Variants in ANAPC2 observed in about 807,000 individuals in gnomAD.
ANAPC2 encodes the protein anaphase promoting complex subunit 2, also known as anaphase-promoting complex subunit 2.
Under a neutral mutation model 84.3 loss-of-function variants are expected in ANAPC2, and 29 were observed. That is an observed-to-expected ratio of 0.34 (90% CI 0.26 to 0.47). The LOEUF (loss-of-function observed/expected upper bound fraction) is 0.47. Ranked by LOEUF, ANAPC2 falls within the 20% of genes least tolerant of loss-of-function variation. The pLI is 1.00. For missense variants in ANAPC2, 857 were observed against 1,131.7 expected (o/e 0.76, Z 3.48); for synonymous variants, 571 against 479.4 (o/e 1.19, Z -2.50).
rs746257396 is a variant in ANAPC2, at chr9:137,188,496, C to G, written c.37G>C (p.Asp13His). Residue 13 changes from aspartate (D) to histidine (H), a missense_variant, in exon 1 of 13, where the codon GAC becomes CAC. Around this residue, in one of 3 missense-constraint regions of ANAPC2, gnomAD observed 428 missense variants for 513.8 expected, o/e 0.83. Coordinates refer to ENST00000323927, the MANE Select transcript of ANAPC2 (RefSeq NM_013366.4). Reference sequence around the variant, plus strand: ...AACAACTCCTGTCCGGGCCGGGAGTCGCTGTCCCCCTCCGCCACCACAACT... The same window carrying G: ...AACAACTCCTGTCCGGGCCGGGAGTGGCTGTCCCCCTCCGCCACCACAACT... ...AAVVVAEGDS[D>H]SRPGQELLVA... The G allele has an allele frequency of 2.2e-5, 36 of 1,609,900 alleles. No individual in the cohort carries two copies. Among genetic ancestry groups the G allele is most frequent in the Non-Finnish European group, 3.0e-5 (35 of 1,179,478 alleles).
chr9:137,176,326 G>A (rs1288511980), intron 10 of ANAPC2: 1 of 153,544 alleles, frequency 6.5e-6, no homozygotes, highest in Non-Finnish European at 1.5e-5. Context: ...AGAGGGTTCA[G>A]AGGGAACGGG....
Position 137,187,763 on chromosome 9 carries a change from ACTT to A in ANAPC2, c.455_457del (p.Glu152del). On this transcript the variant is annotated inframe_deletion, in exon 2 of 13. Coordinates refer to ENST00000323927, the MANE Select transcript of ANAPC2 (RefSeq NM_013366.4). ...CAAGACTCCGCGCAACATAGTGTGG[ACTT>A]CTTCTCGCAGCCCCTGAGCACCAGT... 1.9e-6 allele frequency: 3 copies of A among 1,613,648 alleles called. No individual in the cohort carries two copies. Among genetic ancestry groups the A allele is most frequent in the Non-Finnish European group, 1.7e-6 (2 of 1,180,014 alleles).
At chr9:137,183,373 TC>T in intron 5 of ANAPC2, 131 bp from the exon 6 acceptor site, 2 of 828,756 alleles carry the variant, frequency 2.4e-6, no homozygotes, top group Non-Finnish European at 4.0e-6. Context: ...CGTTCCCTTG[TC>T]CCCCCATCCC....
chr9:137,180,108 C>T, intron 10 of ANAPC2, 73 bp downstream of exon 10: 4 of 1,496,950 alleles, frequency 2.7e-6, no homozygotes, highest in Non-Finnish European at 3.6e-6. Context: ...GCCACAGGCA[C>T]CAGGCTGCTG....
In ANAPC2 at chr9:137,188,159, C is replaced by T. The variant is rs577338898; in HGVS notation, c.118-56G>A. 1.7e-3 allele frequency: 2,601 copies of T among 1,564,902 alleles called. 4 individuals are homozygous for T. Among genetic ancestry groups the T allele is most frequent in the Non-Finnish European group, 2.1e-3 (2,398 of 1,158,314 alleles). ...AACACAACATAGAGGTGGGGAGAGGCGGGGAAGGGAAGAAGCTGAGGGGGA... is the reference window on the plus strand; with the variant it reads ...AACACAACATAGAGGTGGGGAGAGGTGGGGAAGGGAAGAAGCTGAGGGGGA... On this transcript the variant is annotated intron_variant, in intron 1 of 12. Transcript: ENST00000323927.
chr9:137,186,147 T>C (rs1355225708), intron 3 of ANAPC2, 77 bp downstream of exon 3: 1 of 1,577,436 alleles, frequency 6.3e-7, no homozygotes, highest in Non-Finnish European at 8.6e-7. Flanking sequence ...TGGATGCTTC[T>C]GAAGCCAGGT....
At position 137,184,810 on chromosome 9, in the gene ANAPC2, G is replaced by C. The variant is rs556611864; in HGVS notation, c.1048+103C>G. The C allele has an allele frequency of 1.0e-4, 144 of 1,437,856 alleles. No individual in the cohort carries two copies. In the East Asian group the frequency reaches 1.9e-3, roughly 19 times the overall value. The allele number at this position is 1,437,856 out of a possible 1,614,324, so 89.1% of individuals were successfully genotyped here. A position where few individuals can be genotyped will look rare whatever the true frequency, so the allele number is the denominator to read the frequency against. ...GACGCAGACACAGAGCAGACACGGTGAAGGCACAGGGAGCCCAGATGCAGA... is the reference window on the plus strand; with the variant it reads ...GACGCAGACACAGAGCAGACACGGTCAAGGCACAGGGAGCCCAGATGCAGA... On this transcript the variant is annotated intron_variant, in intron 4 of 12. Transcript: ENST00000323927.
intron 1 of ANAPC2, 125 bp from the exon 2 acceptor site, chr9:137,188,228 T>G (rs1834522058): frequency 1.4e-6 from 2 of 1,381,480 alleles, no homozygotes; most frequent in Non-Finnish European, 1.9e-6. Flanking sequence ...TGCCCGGACG[T>G]TGGGCCGAAG....
chr9:137,184,697 C>T (rs376159323), intron 4 of ANAPC2, among the ~76,000 whole-genome samples: 7 of 142,074 alleles, frequency 4.9e-5, no homozygotes, highest in South Asian at 2.3e-4. Context: ...AGAGCAGACA[C>T]GGCGAAGGCA....
intron 5 of ANAPC2, 84 bp from the exon 6 acceptor site, chr9:137,183,326 A>G: frequency 8.4e-7 from 1 of 1,187,838 alleles, no homozygotes; most frequent in Non-Finnish European, 1.2e-6. Flanking sequence ...ACAGCTGGCC[A>G]TGCCGGTAGG....
At chr9:137,184,785 G>A (rs1258779963) in intron 4 of ANAPC2, 128 bp downstream of exon 4, 10 of 1,239,458 alleles carry the variant, frequency 8.1e-6, no homozygotes, top group African/African-American at 3.1e-5. Context: ...GGGAGCCCCA[G>A]ACGCAGACAC....
intron 4 of ANAPC2, 41 bp downstream of exon 4, chr9:137,184,872 C>CTT: frequency 6.2e-7 from 1 of 1,602,696 alleles, no homozygotes; most frequent in South Asian, 1.1e-5. Flanking sequence ...GGGAAGACTC[C>CTT]CCAGACGGGA....
At position 137,184,958 on chromosome 9, in the gene ANAPC2, T is replaced by C; in HGVS notation, c.1003A>G (p.Ile335Val). The part of the protein sequence containing the change: ...RCHVQRFFYR[I>V]YASLRIEELF... ...TCCTCGATGCGCAGGCTGGCGTAGA[T>C]GCGGTAGAAGAACCTTTGCACGTGG... is the stretch of plus-strand genomic sequence containing the variant. The change falls in exon 4 of 13, where the codon ATC becomes GTC. Residue 335 changes from isoleucine to valine, a missense_variant. Coordinates refer to ENST00000323927, the MANE Select transcript of ANAPC2 (RefSeq NM_013366.4). The C allele has an allele frequency of 6.2e-7, 1 of 1,612,528 alleles. No individual in the cohort carries two copies. The highest frequency in any genetic ancestry group is 1.7e-4 in the Middle Eastern group (1 of 6,058).
At chr9:137,184,528 C>T (rs1488692148) in intron 4 of ANAPC2, among the ~76,000 whole-genome samples, 2 of 139,266 alleles carry the variant, frequency 1.4e-5, no homozygotes, top group Non-Finnish European at 3.0e-5. Context: ...AGAGCAGACA[C>T]AGCGAAGGCC....
chr9:137,179,245 C>A (rs946097502), intron 10 of ANAPC2, among the ~76,000 whole-genome samples: 2 of 152,180 alleles, frequency 1.3e-5, no homozygotes, highest in Non-Finnish European at 1.5e-5. Flanking sequence ...CGCCTCCCCC[C>A]AGTCCTGAGC....
intron 2 of ANAPC2, chr9:137,187,214 G>C: frequency 2.0e-6 from 1 of 494,568 alleles, no homozygotes. Flanking sequence ...AGGAAGTTTG[G>C]AGTTGCTAAG....
At chr9:137,177,558 G>T (rs1834250261) in intron 10 of ANAPC2, among the ~76,000 whole-genome samples, 1 of 149,318 alleles carries the variant, frequency 6.7e-6, no homozygotes, top group African/African-American at 2.6e-5. Context: ...AACTTTGTGT[G>T]GATGGTAGTT....
rs550699184 is a variant in ANAPC2 at position 137,181,961 on chromosome 9, G to T, written c.1287-99C>A. The T allele has an allele frequency of 3.8e-6, 5 of 1,319,006 alleles. No homozygotes were observed. In the Admixed American group the frequency reaches 9.1e-5, roughly 24 times the overall value. The allele number at this position is 1,319,006 out of a possible 1,614,324, so 81.7% of individuals were successfully genotyped here. A position where few individuals can be genotyped will look rare whatever the true frequency, so the allele number is the denominator to read the frequency against. On this transcript the variant is annotated intron_variant, in intron 6 of 12. Coordinates refer to ENST00000323927, the MANE Select transcript of ANAPC2 (RefSeq NM_013366.4). Reference sequence around the variant, plus strand: ...CGGCCCCATCTAGGCCAGCACCACCGACCCTGCCTCTACACTCAGTGGTGA... The same window carrying T: ...CGGCCCCATCTAGGCCAGCACCACCTACCCTGCCTCTACACTCAGTGGTGA...
At position 137,180,274 on chromosome 9, in the gene ANAPC2, C is replaced by T. The variant is rs964963945; in HGVS notation, c.1797G>A (p.Glu599=). The T allele has an allele frequency of 1.9e-6, 3 of 1,613,758 alleles. No individual in the cohort carries two copies. The highest frequency in any genetic ancestry group is 1.1e-5 in the South Asian group (1 of 91,088). ...TCTCGTCCTTGAAGGGCGGCCAGAA[C>T]TCACTGGACAGGATGACAGCGTAGA... is the stretch of plus-strand genomic sequence containing the variant. The part of the protein sequence containing the change: ...FGVYAVILSS[E]FWPPFKDEKL... The change falls in exon 10 of 13, where the codon GAG becomes GAA. Residue 599 remains glutamate (E), a synonymous_variant. Coordinates refer to ENST00000323927, the MANE Select transcript of ANAPC2 (RefSeq NM_013366.4).
Sources: allele counts gnomAD v4.1 joint callset (sites outside exome capture counted in the v4.1 genomes callset), GRCh38; gene constraint gnomAD v4.1.1; regional missense constraint gnomAD v4.1.1; transcripts MANE v1.5; gene names NCBI Gene and HGNC (gene_info 2026-07-23, HGNC 2026-07-21).